C7: variants seen among roughly 807,000 people sequenced by gnomAD.
C7 encodes the protein complement component C7.
Under a neutral mutation model 104.8 loss-of-function variants are expected in C7, and 83 were observed. The ratio of observed to expected loss-of-function variants is 0.79; its 90% CI spans 0.66 to 0.95. C7 has a LOEUF of 0.95. Ranked by LOEUF, C7 falls within the 40% of genes least tolerant of loss-of-function variation. The probability of loss-of-function intolerance (pLI) is 0.00; values close to 1 mark genes in which losing one functional copy is unlikely to be tolerated. For synonymous variants in C7, 415 were observed against 360.6 expected (o/e 1.15, Z -1.71); for missense variants, 1,070 against 1,011.2 (o/e 1.06, Z -0.79).
chr5:40,959,390 C>A (rs1740373180), intron 11 of C7, 59 bp from the exon 12 acceptor site: 1 of 1,465,300 alleles, frequency 6.8e-7, no homozygotes, highest in African/African-American at 1.4e-5. Context: ...GGAAGCATAG[C>A]ACTAAGTTCC....
At chr5:40,942,911 C>G (rs571213505) in intron 6 of C7, among the ~76,000 whole-genome samples, 1 of 151,874 alleles carries the variant, frequency 6.6e-6, no homozygotes, top group African/African-American at 2.4e-5. Context: ...ATTACAGGCA[C>G]GCACCACCAT....
At chr5:40,920,408 A>G (rs1739414631) in intron 1 of C7, among the ~76,000 whole-genome samples, 1 of 152,064 alleles carries the variant, frequency 6.6e-6, no homozygotes, top group Admixed American at 6.6e-5. Context: ...ATAAATATAA[A>G]TATCTGTTTT....
chr5:40,935,010 G>C (rs910193682), intron 4 of C7, among the ~76,000 whole-genome samples: 9 of 152,166 alleles, frequency 5.9e-5, no homozygotes, highest in African/African-American at 2.2e-4. Context: ...TCAAATAGTG[G>C]TGAGAGTTGT....
At chr5:40,934,505 A>AT in intron 4 of C7, 39 bp downstream of exon 4, 1 of 1,598,654 alleles carries the variant, frequency 6.3e-7, no homozygotes, top group Non-Finnish European at 8.6e-7. Flanking sequence ...CAGATTGTAA[A>AT]TTCAAACGTT....
intron 16 of C7, among the ~76,000 whole-genome samples, chr5:40,979,182 C>A (rs1737208572): frequency 6.6e-6 from 1 of 152,032 alleles, no homozygotes; most frequent in Admixed American, 6.6e-5. Flanking sequence ...GGAAATATTT[C>A]TAAACTATTT....
chr5:40,939,426 A>C (rs935843489), intron 6 of C7, among the ~76,000 whole-genome samples: 6 of 152,230 alleles, frequency 3.9e-5, no homozygotes, highest in Non-Finnish European at 1.5e-5. Flanking sequence ...AGAGGACTTC[A>C]GCTGACATAC....
At chr5:40,980,955 G>GT (rs1280560347) in intron 17 of C7, among the ~76,000 whole-genome samples, 3 of 152,152 alleles carry the variant, frequency 2.0e-5, no homozygotes, top group South Asian at 2.1e-4. Context: ...TTTCTGGTTT[G>GT]TTTTTTGGGA....
intron 14 of C7, among the ~76,000 whole-genome samples, chr5:40,969,511 T>C (rs1740644119): frequency 6.6e-6 from 1 of 152,202 alleles, no homozygotes; most frequent in Non-Finnish European, 1.5e-5. Flanking sequence ...TGGATGATGC[T>C]ATCTTCCTCT....
At chr5:40,956,724 A>G (rs1056705741) in intron 10 of C7, among the ~76,000 whole-genome samples, 8 of 152,270 alleles carry the variant, frequency 5.3e-5, no homozygotes, top group African/African-American at 1.4e-4. Flanking sequence ...AAAAATTGCA[A>G]TAGGTCCTCA....
intron 1 of C7, chr5:40,911,045 AT>A (rs985608740): frequency 2.0e-5 from 3 of 152,180 alleles, no homozygotes; most frequent in African/African-American, 7.2e-5. Context: ...AAAGCAATTA[AT>A]TTTTTAAAAA....
At chr5:40,910,346 A>T (rs1017918943) in intron 1 of C7, among the ~76,000 whole-genome samples, 2 of 152,160 alleles carry the variant, frequency 1.3e-5, no homozygotes, top group Non-Finnish European at 2.9e-5. Flanking sequence ...TGGTATTTAA[A>T]CTTTAAAAAT....
chr5:40,955,559 T>G lies in C7; in HGVS notation c.1260+6T>G, dbSNP rs1740272402. The G allele has an allele frequency of 1.2e-6, 2 of 1,609,120 alleles. No homozygotes were observed. The highest frequency in any genetic ancestry group is 2.7e-5 in the African/African-American group (2 of 74,730). The stretch of plus-strand genomic sequence containing the variant: ...CTCAAGTCATAAAACAAAAGGTATG[T>G]CAGGCTTTGTTTAAAGCAATAGGAA... On this transcript the variant is annotated splice_donor_region_variant and intron_variant, in intron 10 of 17. Coordinates refer to ENST00000313164, the MANE Select transcript of C7 (RefSeq NM_000587.4).
intron 1 of C7, among the ~76,000 whole-genome samples, chr5:40,927,661 T>A (rs7724937): frequency 2.6e-5 from 4 of 152,028 alleles, no homozygotes; most frequent in Non-Finnish European, 5.9e-5. Context: ...AGAGAAGACA[T>A]GCAAATGGCC....
At chr5:40,938,081 A>G (rs1310314766) in intron 6 of C7, among the ~76,000 whole-genome samples, 1 of 152,116 alleles carries the variant, frequency 6.6e-6, no homozygotes, top group Non-Finnish European at 1.5e-5. Flanking sequence ...ACTATTTCAT[A>G]TATACAAAAG....
At chr5:40,948,752 T>G (rs1740103277) in intron 8 of C7, among the ~76,000 whole-genome samples, 1 of 152,214 alleles carries the variant, frequency 6.6e-6, no homozygotes, top group African/African-American at 2.4e-5. Flanking sequence ...TTTTAGCTGA[T>G]GCCCACATTT....
intron 14 of C7, 22 bp from the exon 15 acceptor site, chr5:40,972,381 T>A (rs761480547): frequency 6.2e-7 from 1 of 1,604,416 alleles, no homozygotes; most frequent in South Asian, 1.1e-5. Context: ...GACCCTTATA[T>A]TTTGCTCTCT....
chr5:40,932,903 A>G (rs1739726151), intron 3 of C7, among the ~76,000 whole-genome samples: 1 of 152,170 alleles, frequency 6.6e-6, no homozygotes. Flanking sequence ...TTGTAGGGTC[A>G]GACTTTGACA....
chr5:40,968,133 CT>C (rs1740599324), intron 14 of C7, among the ~76,000 whole-genome samples: 1 of 150,980 alleles, frequency 6.6e-6, no homozygotes, highest in South Asian at 2.1e-4. Context: ...TTTTCTTTTT[CT>C]TTTTCTTTTT....
intron 1 of C7, among the ~76,000 whole-genome samples, chr5:40,911,744 T>TC (rs1739212605): frequency 6.6e-6 from 1 of 150,642 alleles, no homozygotes; most frequent in Admixed American, 6.6e-5. Flanking sequence ...TTCTTTCTTT[T>TC]TTTTTTTTTT....
Sources: allele counts gnomAD v4.1 joint callset (sites outside exome capture counted in the v4.1 genomes callset), GRCh38; gene constraint gnomAD v4.1.1; transcripts MANE v1.5; gene names NCBI Gene and HGNC (gene_info 2026-07-23, HGNC 2026-07-21).